The following TMPO variants were observed in gnomAD, a reference collection of about 807,000 sequenced individuals.
The protein encoded by TMPO is thymopoietin, also known as LEM domain containing 4.
A neutral mutation model predicts 45.4 loss-of-function variants in TMPO; 22 were observed. The observed-to-expected ratio is 0.48, with a 90% CI of 0.35 to 0.69. TMPO has a LOEUF of 0.69. Among genes scored for constraint, TMPO ranks in the 30% least tolerant of loss-of-function variants. The pLI is 0.01. For missense variants in TMPO, 512 were observed against 548.8 expected (o/e 0.93, Z 0.67); for synonymous variants, 241 against 204.1 (o/e 1.18, Z -1.54).
At chr12:98,533,702 A>G in intron 3 of TMPO, 1 of 1,614,214 alleles carries the variant, frequency 6.2e-7, no homozygotes, top group South Asian at 1.1e-5. Flanking sequence ...CAATCACAGC[A>G]TGATAAAATA....
rs753196252 is a variant in TMPO at position 98,531,847 on chromosome 12, T to G, written c.565+9T>G. On this transcript the variant is annotated intron_variant, in intron 3 of 8. Coordinates refer to ENST00000556029, the MANE Select transcript of TMPO (RefSeq NM_001032283.3). ...CAGTGACAATGAAGAAGGTAAAATT[T>G]TAAATGATGTTAATCAAATGTATGG... 3.1e-6 allele frequency: 5 copies of G among 1,607,328 alleles called. No individual in the cohort carries two copies. The highest frequency in any genetic ancestry group is 1.7e-4 in the Middle Eastern group (1 of 6,046).
At chr12:98,538,904 A>G (rs1425855268) in intron 4 of TMPO, among the ~76,000 whole-genome samples, 1 of 152,098 alleles carries the variant, frequency 6.6e-6, no homozygotes, top group African/African-American at 2.4e-5. Flanking sequence ...GAGCATGCTG[A>G]AGAATAAGGA....
At chr12:98,516,774 C>T (rs1480555700) in intron 1 of TMPO, among the ~76,000 whole-genome samples, 2 of 152,264 alleles carry the variant, frequency 1.3e-5, no homozygotes, top group African/African-American at 4.8e-5. Context: ...GCATTTTAAA[C>T]TATATTTTTA....
At chr12:98,532,987 GTACA>G in intron 3 of TMPO, 2 of 1,614,154 alleles carry the variant, frequency 1.2e-6, no homozygotes, top group African/African-American at 2.7e-5. Context: ...AGCTAAGAAA[GTACA>G]TACTTCTAAG....
rs1323160849 is a variant in TMPO at position 98,550,346 on chromosome 12, CACA to C, written c.*2490_*2492del. ...GTTGCAATAAATGGTTTTCAGATAG[CACA>C]AACTGTGATTTCTGGATAACATTTC... is the stretch of plus-strand genomic sequence containing the variant. On this transcript the variant is annotated 3_prime_UTR_variant, in exon 9 of 9. Coordinates refer to ENST00000556029, the MANE Select transcript of TMPO (RefSeq NM_001032283.3). 5.0e-4 allele frequency: 76 copies of C among 152,274 alleles called. No homozygotes were observed. Among genetic ancestry groups the C allele is most frequent in the African/African-American group, 1.8e-3 (74 of 41,536 alleles). 9.4% of individuals were successfully genotyped at this position (152,274 alleles called of 1,614,324 possible).
chr12:98,519,522 C>G (rs542970438), intron 1 of TMPO, among the ~76,000 whole-genome samples: 4 of 152,070 alleles, frequency 2.6e-5, no homozygotes, highest in Non-Finnish European at 5.9e-5. Context: ...TTTTAGAGTA[C>G]CTAGTAGGTC....
intron 3 of TMPO, chr12:98,534,248 C>T: frequency 6.2e-7 from 1 of 1,613,776 alleles, no homozygotes; most frequent in East Asian, 2.2e-5. Flanking sequence ...AATTTAGCTT[C>T]TAAGAATAAG....
chr12:98,548,719 A>G lies in TMPO; in HGVS notation c.*861A>G, dbSNP rs1290014207. 1 of 152,210 alleles carries G rather than the reference A, an allele frequency of 6.6e-6. No individual in the cohort carries two copies. Among genetic ancestry groups the G allele is most frequent in the African/African-American group, 2.4e-5 (1 of 41,452 alleles). The allele number at this position is 152,210 out of a possible 1,614,324, so 9.4% of individuals were successfully genotyped here. A position where few individuals can be genotyped will look rare whatever the true frequency, so the allele number is the denominator to read the frequency against. ...TTTGTTTAGAAGTTAGAAATTGTAAACACTGGTCTTATGTTTCATTTGGAT... is the reference window on the plus strand; with the variant it reads ...TTTGTTTAGAAGTTAGAAATTGTAAGCACTGGTCTTATGTTTCATTTGGAT... On this transcript the variant is annotated 3_prime_UTR_variant, in exon 9 of 9. Coordinates refer to ENST00000556029, the MANE Select transcript of TMPO (RefSeq NM_001032283.3).
chr12:98,522,528 C>G (rs1489737911), intron 1 of TMPO, among the ~76,000 whole-genome samples: 1 of 152,162 alleles, frequency 6.6e-6, no homozygotes, highest in Non-Finnish European at 1.5e-5. Flanking sequence ...CTAAGATCCT[C>G]TATTTTCACC....
chr12:98,528,293 T>G (rs1359439142), intron 2 of TMPO, among the ~76,000 whole-genome samples: 1 of 151,886 alleles, frequency 6.6e-6, no homozygotes, highest in Non-Finnish European at 1.5e-5. Flanking sequence ...TTTTGTTTTT[T>G]TGAGACGGAG....
intron 3 of TMPO, among the ~76,000 whole-genome samples, chr12:98,536,002 T>C (rs985500556): frequency 2.0e-5 from 3 of 152,202 alleles, no homozygotes; most frequent in Non-Finnish European, 4.4e-5. Context: ...CAAACATAGA[T>C]ACATTGACAG....
chr12:98,532,468 C>T (rs913731041), intron 3 of TMPO, among the ~76,000 whole-genome samples: 1 of 148,250 alleles, frequency 6.7e-6, no homozygotes, highest in Non-Finnish European at 1.5e-5. Context: ...CTCAGGGCAA[C>T]TTTAAAGCAA....
chr12:98,544,842 A>C (rs1238596346), intron 6 of TMPO, 109 bp from the exon 7 acceptor site: 3 of 936,908 alleles, frequency 3.2e-6, no homozygotes, highest in Non-Finnish European at 5.1e-6. Flanking sequence ...TTAAATCTTT[A>C]CTAAGGGAAA....
At chr12:98,541,169 C>T (rs1255754912) in intron 4 of TMPO, among the ~76,000 whole-genome samples, 1 of 152,116 alleles carries the variant, frequency 6.6e-6, no homozygotes, top group Non-Finnish European at 1.5e-5. Flanking sequence ...TAAGACGTCC[C>T]AGGCTCATGT....
intron 1 of TMPO, among the ~76,000 whole-genome samples, chr12:98,522,180 C>A (rs1876423142): frequency 1.3e-5 from 2 of 152,106 alleles, no homozygotes; most frequent in Admixed American, 1.3e-4. Flanking sequence ...CCATGCCTAG[C>A]TGATTTTTAA....
At chr12:98,539,562 C>CA (rs1877788894) in intron 4 of TMPO, among the ~76,000 whole-genome samples, 1 of 151,462 alleles carries the variant, frequency 6.6e-6, no homozygotes, top group African/African-American at 2.4e-5. Context: ...CAACCTCCGC[C>CA]TCCTGGGTTC....
chr12:98,529,509 T>G (rs566321452), intron 2 of TMPO, among the ~76,000 whole-genome samples: 2 of 152,316 alleles, frequency 1.3e-5, no homozygotes, highest in East Asian at 3.9e-4. Context: ...CAGTGTTGAT[T>G]ATGCCTTAGT....
At chr12:98,527,581 C>G in intron 1 of TMPO, 1 of 198,492 alleles carries the variant, frequency 5.0e-6, no homozygotes, top group South Asian at 8.8e-5. Flanking sequence ...GTCAGTTTTA[C>G]TTTTAGTTGC....
At position 98,531,746 on chromosome 12, in the gene TMPO, C is replaced by A. The variant is rs1220441088; in HGVS notation, c.473C>A (p.Ser158Tyr). The A allele has an allele frequency of 6.2e-7, 1 of 1,613,528 alleles. No homozygotes were observed. The highest frequency in any genetic ancestry group is 1.7e-5 in the Admixed American group (1 of 59,990). ...AGGGAACAAGGAACAGAATCAAGAT[C>A]TTCTACTCCTCTGCCAACAATTTCT... is the stretch of plus-strand genomic sequence containing the variant. ...KLREQGTESR[S>Y]STPLPTISSS... The change falls in exon 3 of 9, where the codon TCT becomes TAT. Residue 158 changes from serine (S) to tyrosine (Y), a missense_variant. Physicochemically the swap from Ser to Tyr is moderately radical, Grantham distance 144. Coordinates refer to ENST00000556029, the MANE Select transcript of TMPO (RefSeq NM_001032283.3).
Sources: gnomAD v4.1 joint callset for allele counts (sites outside exome capture counted in the v4.1 genomes callset) on GRCh38, gnomAD v4.1.1 for gene constraint, MANE v1.5 for transcripts, NCBI Gene and HGNC (gene_info 2026-07-23, HGNC 2026-07-21) for gene names.